Variants in DPYSL3 observed in about 807,000 individuals in gnomAD.
DPYSL3 encodes dihydropyrimidinase like 3.
A neutral mutation model predicts 66.1 loss-of-function variants in DPYSL3; 16 were observed. The observed-to-expected ratio is 0.24, with a 90% CI of 0.16 to 0.37. The LOEUF (loss-of-function observed/expected upper bound fraction) is 0.37, where lower values mean the gene tolerates loss of function less well. Ranked by LOEUF, DPYSL3 falls within the 10% of genes least tolerant of loss-of-function variation. The probability of loss-of-function intolerance (pLI) is 1.00; values close to 1 mark genes in which losing one functional copy is unlikely to be tolerated. For missense variants in DPYSL3, 738 were observed against 916.2 expected (o/e 0.81, Z 2.51); for synonymous variants, 338 against 345.1 (o/e 0.98, Z 0.23).
chr5:147,411,659 C>CA (rs1751855052), intron 6 of DPYSL3, among the ~76,000 whole-genome samples: 1 of 152,164 alleles, frequency 6.6e-6, no homozygotes, highest in South Asian at 2.1e-4. Flanking sequence ...CACCAAACGG[C>CA]ACCTGCTATC....
chr5:147,429,128 T>C (rs142818807), intron 1 of DPYSL3, among the ~76,000 whole-genome samples: 2 of 152,208 alleles, frequency 1.3e-5, no homozygotes, highest in African/African-American at 4.8e-5. Flanking sequence ...TATGTATATA[T>C]ATAAAGAATG....
intron 1 of DPYSL3, among the ~76,000 whole-genome samples, chr5:147,477,796 A>G (rs1291185080): frequency 1.3e-5 from 2 of 151,164 alleles, no homozygotes; most frequent in African/African-American, 4.9e-5. Context: ...GTTAGCCAGG[A>G]TGGTCTCGAT....
intron 8 of DPYSL3, among the ~76,000 whole-genome samples, chr5:147,402,514 A>AT (rs1332144326): frequency 1.4e-5 from 2 of 147,370 alleles, no homozygotes; most frequent in African/African-American, 2.7e-5. Context: ...CGCCCGGCTA[A>AT]TTTTTTGTAT....
At chr5:147,483,203 T>C (rs992094162) in intron 1 of DPYSL3, among the ~76,000 whole-genome samples, 2 of 152,250 alleles carry the variant, frequency 1.3e-5, no homozygotes, top group Non-Finnish European at 2.9e-5. Flanking sequence ...CAAATTTACA[T>C]GGTGAGTAAC....
At chr5:147,494,880 A>AAATAATAATAATAATAAT (rs34805887) in intron 1 of DPYSL3, among the ~76,000 whole-genome samples, 207 of 142,446 alleles carry the variant, frequency 1.5e-3, no homozygotes, top group Middle Eastern at 7.2e-3. Context: ...CTCCATCTCA[A>AAATAATAATAATAATAAT]AATAATAATA....
intron 1 of DPYSL3, among the ~76,000 whole-genome samples, chr5:147,497,652 G>A (rs1753540202): frequency 6.6e-6 from 1 of 151,556 alleles, no homozygotes; most frequent in Non-Finnish European, 1.5e-5. Context: ...AAATCACATG[G>A]TCATATCAAT....
chr5:147,505,558 G>A (rs182682526), intron 1 of DPYSL3, among the ~76,000 whole-genome samples: 82 of 152,116 alleles, frequency 5.4e-4, no homozygotes, highest in Non-Finnish European at 9.9e-4. Flanking sequence ...TTTTTATTCT[G>A]TAAACACTTC....
In DPYSL3 at chr5:147,471,080, T is replaced by C. The variant is rs368008446; in HGVS notation, c.381+38398A>G. Among the ~76,000 whole-genome samples the C allele has an allele frequency of 9.2e-5, 14 of 152,210 alleles. No individual in the cohort carries two copies. The East Asian group carries it at 2.1e-3, about 23-fold the overall frequency. ...AGTGACTGCCTTGAATAAATACATA[T>C]AAACATGCATATATGCTACATACAT... On this transcript the variant is annotated intron_variant, in intron 1 of 13. Transcript: ENST00000343218.
chr5:147,509,581 T>C lies in DPYSL3; in HGVS notation c.278A>G (p.Glu93Gly). 3 of 1,535,336 alleles carry C rather than the reference T, an allele frequency of 2.0e-6. No homozygotes were observed. The highest frequency in any genetic ancestry group is 2.6e-6 in the Non-Finnish European group (3 of 1,146,620). The change falls in exon 1 of 14, where the codon GAA (glutamate) becomes GGA (glycine). Residue 93 changes from glutamate (E) to glycine (G), a missense_variant. Transcript: ENST00000343218. The surrounding 1 kb of genome is among the most constrained non-coding windows in gnomAD (Gnocchi z 5.3). The stretch of plus-strand genomic sequence containing the variant: ...GGCGGGCGCGGGCTCCCTGCTCTCT[T>C]CCCGGCCTTGGCCCCTGCGCGGGGT... Reference protein sequence around the residue: ...GDTPRRGQGREESREPAPASP... With the variant: ...GDTPRRGQGRGESREPAPASP...
chr5:147,483,649 G>A (rs1389631196), intron 1 of DPYSL3, among the ~76,000 whole-genome samples: 3 of 152,256 alleles, frequency 2.0e-5, no homozygotes, highest in East Asian at 3.9e-4. Flanking sequence ...AGCCTTCAAA[G>A]GAATCTCAGG....
At chr5:147,408,533 G>T (rs1321484884) in intron 7 of DPYSL3, among the ~76,000 whole-genome samples, 195 bp downstream of exon 7, 1 of 152,112 alleles carries the variant, frequency 6.6e-6, no homozygotes, top group African/African-American at 2.4e-5. Flanking sequence ...TTATCTGTAG[G>T]GAGATTAGGG....
intron 2 of DPYSL3, 132 bp from the exon 3 acceptor site, chr5:147,418,763 A>G (rs191905792): frequency 2.3e-4 from 175 of 755,556 alleles, no homozygotes; most frequent in Non-Finnish European, 3.1e-4. Flanking sequence ...TTTGCAAGTG[A>G]CTCACAAGCT....
chr5:147,467,523 T>C (rs1753028613), intron 1 of DPYSL3, among the ~76,000 whole-genome samples: 1 of 152,214 alleles, frequency 6.6e-6, no homozygotes, highest in Admixed American at 6.5e-5. Flanking sequence ...AAGGACCTTC[T>C]GGACTGAATT....
At chr5:147,405,877 T>C in intron 7 of DPYSL3, 147 bp from the exon 8 acceptor site, 1 of 996,084 alleles carries the variant, frequency 1.0e-6, no homozygotes. Flanking sequence ...TATATCCACA[T>C]CTCAGATCTA....
In DPYSL3 at chr5:147,391,516, T is replaced by C. The variant is rs1757802907; in HGVS notation, c.*2519A>G. ...TTGGGGGGCAGGCCAAGGGATGAGATGGCAAAGGACAGCTTTGGAATCAGA... is the reference window on the plus strand; with the variant it reads ...TTGGGGGGCAGGCCAAGGGATGAGACGGCAAAGGACAGCTTTGGAATCAGA... On this transcript the variant is annotated 3_prime_UTR_variant, in exon 14 of 14. Transcript: ENST00000343218. 1 of 152,466 alleles carries C rather than the reference T, an allele frequency of 6.6e-6. No homozygotes were observed. Among genetic ancestry groups the C allele is most frequent in the South Asian group, 2.1e-4 (1 of 4,834 alleles). The allele number at this position is 152,466 out of a possible 1,614,324, so 9.4% of individuals were successfully genotyped here.
chr5:147,418,706 T>C, intron 2 of DPYSL3, 75 bp from the exon 3 acceptor site: 5 of 1,337,156 alleles, frequency 3.7e-6, no homozygotes, highest in Non-Finnish European at 5.1e-6. Context: ...ACAAATATAG[T>C]GGTATAAGGA....
At chr5:147,484,025 T>C (rs545970158) in intron 1 of DPYSL3, among the ~76,000 whole-genome samples, 1 of 152,310 alleles carries the variant, frequency 6.6e-6, no homozygotes, top group Non-Finnish European at 1.5e-5. Context: ...TGTCTCTCTG[T>C]CTGTCTGTCT....
At position 147,405,659 on chromosome 5, in the gene DPYSL3, C is replaced by A; in HGVS notation, c.1104G>T (p.Lys368Asn). 6.2e-7 allele frequency: 1 copy of A among 1,614,014 alleles called. No individual in the cohort carries two copies. Among genetic ancestry groups the A allele is most frequent in the Non-Finnish European group, 8.5e-7 (1 of 1,179,942 alleles). Reference protein sequence around the residue: ...SQTNCPLYVTKVMSKSAADLI... With the variant: ...SQTNCPLYVTNVMSKSAADLI... ...GGTCAGCTGCACTCTTGCTCATGAC[C>A]TTTGTGACGTAGAGAGGGCAATTGG... Residue 368 changes from lysine (K) to asparagine (N), a missense_variant, in exon 8 of 14, where the codon AAG becomes AAT. Transcript: ENST00000343218.
At chr5:147,430,647 A>T (rs1163484984) in intron 1 of DPYSL3, among the ~76,000 whole-genome samples, 2 of 152,216 alleles carry the variant, frequency 1.3e-5, no homozygotes, top group South Asian at 2.1e-4. Flanking sequence ...TAAGAATGAC[A>T]GATGCAAAGT....
Sources: gnomAD v4.1 joint callset for allele counts (sites outside exome capture counted in the v4.1 genomes callset) on GRCh38, gnomAD v4.1.1 for gene constraint, Gnocchi (gnomAD v3.1) non-coding constraint, MANE v1.5 for transcripts, NCBI Gene and HGNC (gene_info 2026-07-23, HGNC 2026-07-21) for gene names.